The following CSMD1 variants were observed in gnomAD, a reference collection of about 807,000 sequenced individuals.
The protein encoded by CSMD1 is CUB and sushi domain-containing protein 1.
In CSMD1, 213 loss-of-function variants were observed where a neutral mutation model predicts 417.5. The ratio of observed to expected loss-of-function variants is 0.51; its 90% CI spans 0.46 to 0.57. The LOEUF (loss-of-function observed/expected upper bound fraction) is 0.57, where lower values mean the gene tolerates loss of function less well. Among genes scored for constraint, CSMD1 ranks in the 20% least tolerant of loss-of-function variants. The pLI, the probability that CSMD1 is intolerant of heterozygous loss-of-function variation, is 0.00. For missense variants in CSMD1, 6,923 were observed against 4,529.7 expected (o/e 1.53, Z -15.17); for synonymous variants, 2,862 against 1,736.8 (o/e 1.65, Z -16.11).
intron 3 of CSMD1, among the ~76,000 whole-genome samples, chr8:4,195,937 C>T (rs1350487844): frequency 2.0e-5 from 3 of 152,144 alleles, no homozygotes; most frequent in Non-Finnish European, 4.4e-5. Flanking sequence ...CCAGGCCGGG[C>T]GCGGTGGCTC....
intron 3 of CSMD1, among the ~76,000 whole-genome samples, chr8:4,149,807 C>T (rs1231736936): frequency 6.6e-6 from 1 of 152,176 alleles, no homozygotes; most frequent in Non-Finnish European, 1.5e-5. Context: ...TTGAGAATTT[C>T]CTATTAAAAT....
chr8:4,846,947 A>G (rs1361246518), intron 1 of CSMD1, among the ~76,000 whole-genome samples: 1 of 152,210 alleles, frequency 6.6e-6, no homozygotes, highest in Non-Finnish European at 1.5e-5. Flanking sequence ...ATTGGGAGAA[A>G]AAGATTATGT....
intron 1 of CSMD1, among the ~76,000 whole-genome samples, chr8:4,796,078 A>T (rs1430470087): frequency 6.6e-6 from 1 of 152,178 alleles, no homozygotes; most frequent in Non-Finnish European, 1.5e-5. Context: ...CATTACAAAG[A>T]CAAGTAAATG....
At chr8:4,255,333 T>C (rs560494916) in intron 3 of CSMD1, among the ~76,000 whole-genome samples, 3 of 152,214 alleles carry the variant, frequency 2.0e-5, no homozygotes, top group Non-Finnish European at 4.4e-5. Flanking sequence ...GCTGTTAATA[T>C]CTGCAGTCAT....
intron 26 of CSMD1, among the ~76,000 whole-genome samples, chr8:3,240,717 A>G (rs1358443042): frequency 6.6e-6 from 1 of 152,088 alleles, no homozygotes; most frequent in Non-Finnish European, 1.5e-5. Flanking sequence ...GAACAGAATA[A>G]TGGGTTGTGG....
At chr8:4,425,983 A>G (rs1468624714) in intron 2 of CSMD1, among the ~76,000 whole-genome samples, 2 of 152,126 alleles carry the variant, frequency 1.3e-5, no homozygotes, top group African/African-American at 4.8e-5. Flanking sequence ...ATAGCCCAAA[A>G]TTAAAGAGGT....
At chr8:4,432,656 G>A (rs1037502560) in intron 2 of CSMD1, among the ~76,000 whole-genome samples, 2 of 152,114 alleles carry the variant, frequency 1.3e-5, no homozygotes, top group Non-Finnish European at 2.9e-5. Context: ...CCATGCAGGT[G>A]GAGAGCAGGA....
At chr8:4,768,648 TAC>T (rs1211077578) in intron 1 of CSMD1, among the ~76,000 whole-genome samples, 16 of 152,228 alleles carry the variant, frequency 1.1e-4, no homozygotes, top group African/African-American at 3.9e-4. Flanking sequence ...ACCCGCAAAG[TAC>T]AGTCAATCAC....
At chr8:4,604,919 C>T (rs908705723) in intron 2 of CSMD1, among the ~76,000 whole-genome samples, 5 of 152,100 alleles carry the variant, frequency 3.3e-5, no homozygotes, top group African/African-American at 7.2e-5. Flanking sequence ...ATCATGCTTG[C>T]GCATGTCAGA....
intron 1 of CSMD1, among the ~76,000 whole-genome samples, chr8:4,715,347 C>A (rs1484021415): frequency 6.6e-6 from 1 of 152,116 alleles, no homozygotes; most frequent in African/African-American, 2.4e-5. Context: ...ATTTACAAAG[C>A]AATGCTTCAT....
intron 18 of CSMD1, among the ~76,000 whole-genome samples, chr8:3,380,796 T>C (rs1158106236): frequency 6.6e-6 from 1 of 151,968 alleles, no homozygotes; most frequent in East Asian, 1.9e-4. Context: ...ATGTAGATGA[T>C]GGGTTGTTGG....
rs371866614 is a variant in CSMD1 at position 4,824,283 on chromosome 8, T to C, written c.85+170049A>G. ...GAAAATACATGAAATACACAAGTTT[T>C]TCTTGGGTACGTATCAATTGAAATA... On this transcript the variant is annotated intron_variant, in intron 1 of 69. Coordinates refer to ENST00000635120, the MANE Select transcript of CSMD1 (RefSeq NM_033225.6). Among the ~76,000 whole-genome samples the C allele has an allele frequency of 9.9e-5, 15 of 152,196 alleles. No homozygotes were observed. The East Asian group carries it at 2.1e-3, about 22-fold the overall frequency.
At chr8:3,660,180 G>C (rs1798339199) in intron 7 of CSMD1, among the ~76,000 whole-genome samples, 1 of 152,168 alleles carries the variant, frequency 6.6e-6, no homozygotes, top group Admixed American at 6.5e-5. Flanking sequence ...TACTGCAGTG[G>C]TTTAGAGTGT....
At position 4,647,260 on chromosome 8, in the gene CSMD1, T is replaced by TA. The variant is rs1018234456; in HGVS notation, c.86-9703dup. Among the ~76,000 whole-genome samples, 71 of 143,982 alleles carry TA rather than the reference T, an allele frequency of 4.9e-4. No individual in the cohort carries two copies. In the South Asian group the frequency reaches 5.7e-3, roughly 11 times the overall value. The allele number at this position is 143,982 out of a possible 152,430, so 94.5% of individuals were successfully genotyped here. The stretch of plus-strand genomic sequence containing the variant: ...ATTTTTTTTTTTTTTTAATTTCTTC[T>TA]AAAAAAAAAAATCCGGGATACATGT... On this transcript the variant is annotated intron_variant, in intron 1 of 69. Transcript: ENST00000635120.
chr8:4,518,845 G>A (rs943179573), intron 2 of CSMD1, among the ~76,000 whole-genome samples: 3 of 151,726 alleles, frequency 2.0e-5, no homozygotes, highest in East Asian at 1.9e-4. Flanking sequence ...GAGATTATTC[G>A]GCATGGTCTA....
intron 3 of CSMD1, among the ~76,000 whole-genome samples, chr8:4,404,600 A>C (rs1804881728): frequency 6.6e-6 from 1 of 152,152 alleles, no homozygotes; most frequent in Admixed American, 6.6e-5. Flanking sequence ...TAATGGCAAA[A>C]ATGGCAATTT....
In CSMD1 at chr8:3,157,847, T is replaced by C. The variant is rs1446093251; in HGVS notation, c.5914+50A>G. ...TGACCCCAAGAGTAGAGCAGGCATG[T>C]TCTTCCCAGTGTGTGCGCAGCAGCA... On this transcript the variant is annotated intron_variant, in intron 39 of 69. Coordinates refer to ENST00000635120, the MANE Select transcript of CSMD1 (RefSeq NM_033225.6). 8 of 1,437,246 alleles carry C rather than the reference T, an allele frequency of 5.6e-6. No individual in the cohort carries two copies. In the South Asian group the frequency reaches 7.4e-5, roughly 13 times the overall value. 89.0% of individuals were successfully genotyped at this position (1,437,246 alleles called of 1,614,324 possible).
chr8:3,565,190 A>G (rs1389722971), intron 10 of CSMD1, among the ~76,000 whole-genome samples: 1 of 119,226 alleles, frequency 8.4e-6, no homozygotes, highest in East Asian at 2.3e-4. Flanking sequence ...AGAAAGATAC[A>G]TAGATAGACA....
At chr8:4,714,464 G>C (rs148612010) in intron 1 of CSMD1, among the ~76,000 whole-genome samples, 1 of 152,090 alleles carries the variant, frequency 6.6e-6, no homozygotes, top group Non-Finnish European at 1.5e-5. Context: ...ATACATAAGC[G>C]CTTTCATATG....
Sources: allele counts gnomAD v4.1 joint callset (sites outside exome capture counted in the v4.1 genomes callset), GRCh38; gene constraint gnomAD v4.1.1; transcripts MANE v1.5; gene names NCBI Gene and HGNC (gene_info 2026-07-23, HGNC 2026-07-21).